Variants in NIBAN2 observed in about 807,000 individuals in gnomAD.
The protein encoded by NIBAN2 is niban apoptosis regulator 2.
NIBAN2 carries 36 observed loss-of-function variants against 81.8 expected under a neutral mutation model. That is an observed-to-expected ratio of 0.44 (90% confidence interval 0.34 to 0.58). NIBAN2 has a LOEUF of 0.58. Ranked by LOEUF, NIBAN2 falls within the 20% of genes least tolerant of loss-of-function variation. NIBAN2 has a pLI of 0.02. For missense variants in NIBAN2, 897 were observed against 1,014.1 expected (o/e 0.88, Z 1.57); for synonymous variants, 445 against 441.6 (o/e 1.01, Z -0.10).
At chr9:127,574,731 G>A (rs910703668) in intron 1 of NIBAN2, among the ~76,000 whole-genome samples, 2 of 152,262 alleles carry the variant, frequency 1.3e-5, no homozygotes, top group Admixed American at 6.5e-5. Context: ...TGTTTTTAAG[G>A]AATATCATGT....
chr9:127,527,138 G>C (rs1420485422), intron 3 of NIBAN2, 56 bp downstream of exon 3: 7 of 1,598,074 alleles, frequency 4.4e-6, no homozygotes, highest in Middle Eastern at 2.0e-4. Context: ...TTGGGGGAGG[G>C]GGCACACATG....
chr9:127,577,686 A>C (rs1838025615), intron 1 of NIBAN2, among the ~76,000 whole-genome samples: 1 of 151,168 alleles, frequency 6.6e-6, no homozygotes, highest in African/African-American at 2.5e-5. Context: ...TCTCAAACAC[A>C]AAATGGGCTT....
rs562775500 is a variant in NIBAN2, at chr9:127,577,293, G to C, written c.16+1629C>G. On this transcript the variant is annotated intron_variant, in intron 1 of 13. Transcript: ENST00000373314. ...ACTGTACTGCAGCCTGGGTGACAGA[G>C]CGAGACTGTGTCCACCCTCCCCCCA... 5.3e-5 allele frequency among the ~76,000 whole-genome samples: 8 copies of C among 152,200 alleles called. No individual in the cohort carries two copies. In the East Asian group the frequency reaches 1.6e-3, roughly 30 times the overall value.
At chr9:127,528,540 G>T (rs1837120074) in intron 2 of NIBAN2, among the ~76,000 whole-genome samples, 1 of 151,834 alleles carries the variant, frequency 6.6e-6, no homozygotes, top group Non-Finnish European at 1.5e-5. Context: ...CCTTCACCAT[G>T]TCCCCCTCTC....
intron 8 of NIBAN2, among the ~76,000 whole-genome samples, chr9:127,516,008 C>T (rs1836822912): frequency 6.6e-6 from 1 of 152,014 alleles, no homozygotes. Context: ...CGTGGTGGCA[C>T]ATGCCTGTAG....
At chr9:127,509,271 G>T in intron 9 of NIBAN2, 140 bp from the exon 10 acceptor site, 1 of 783,788 alleles carries the variant, frequency 1.3e-6, no homozygotes, top group Non-Finnish European at 2.0e-6. Flanking sequence ...GGTGCTCATG[G>T]CCACAAAGGT....
intron 5 of NIBAN2, among the ~76,000 whole-genome samples, chr9:127,520,700 G>A (rs1836921617): frequency 6.6e-6 from 1 of 152,110 alleles, no homozygotes; most frequent in South Asian, 2.1e-4. Context: ...AGAATCACGA[G>A]ATCAGGAGAT....
At position 127,517,882 on chromosome 9, in the gene NIBAN2, G is replaced by A. The variant is rs1221660805; in HGVS notation, c.649C>T (p.Arg217Ter). ...PAFTDAIRMY[R>*]QSKELYGTWE... ...GTGCCGTACAGCTCCTTGGACTGTC[G>A]GTACATGCGGATGGCATCTGTGAAC... The change falls in exon 6 of 14, where the codon CGA becomes TGA. Residue 217 changes from arginine to a stop codon, truncating the protein, a stop_gained. Coordinates refer to ENST00000373312, the MANE Select transcript of NIBAN2 (RefSeq NM_022833.4). LOFTEE classifies it high-confidence loss of function. This position sits in a 1 kb window ranked among gnomAD's most constrained non-coding sequence, Gnocchi z 4.0. 3 of 1,613,472 alleles carry A rather than the reference G, an allele frequency of 1.9e-6. No individual in the cohort carries two copies. The highest frequency in any genetic ancestry group is 2.5e-6 in the Non-Finnish European group (3 of 1,179,814).
intron 8 of NIBAN2, among the ~76,000 whole-genome samples, chr9:127,512,146 A>G (rs1366385529): frequency 1.3e-5 from 2 of 152,174 alleles, no homozygotes; most frequent in Admixed American, 1.3e-4. Context: ...CCTCCTTTGG[A>G]GAGGCTAATC....
intron 1 of NIBAN2, among the ~76,000 whole-genome samples, chr9:127,562,620 A>G (rs889213121): frequency 2.6e-5 from 4 of 152,234 alleles, no homozygotes; most frequent in African/African-American, 7.2e-5. Context: ...AACGATGCTC[A>G]GAGATGGCAG....
intron 1 of NIBAN2, among the ~76,000 whole-genome samples, chr9:127,547,004 C>G (rs1052432962): frequency 1.3e-4 from 19 of 151,172 alleles, no homozygotes; most frequent in African/African-American, 4.4e-4. Flanking sequence ...GTGTGCCAAG[C>G]AGAAGACCCG....
chr9:127,554,757 G>A (rs1837638735), intron 1 of NIBAN2, among the ~76,000 whole-genome samples: 1 of 151,164 alleles, frequency 6.6e-6, no homozygotes, highest in Non-Finnish European at 1.5e-5. Context: ...GACGGGGGGT[G>A]GGGGTTTCAC....
rs144490121 is a variant in NIBAN2 at position 127,514,295 on chromosome 9, A to T, written c.973+2562T>A. On this transcript the variant is annotated intron_variant, in intron 8 of 13. Coordinates refer to ENST00000373312, the MANE Select transcript of NIBAN2 (RefSeq NM_022833.4). ...CAAAAAAAAAAAAAAAAACTAAAAG[A>T]ATATACTTGGATTGTTTGTAACACA... 2.2e-3 allele frequency among the ~76,000 whole-genome samples: 330 copies of T among 151,290 alleles called. 3 individuals carry two copies. In the East Asian group the frequency reaches 0.042, roughly 19 times the overall value.
At chr9:127,524,912 CAAT>C (rs1441177165) in intron 4 of NIBAN2, 143 bp downstream of exon 4, 2 of 620,204 alleles carry the variant, frequency 3.2e-6, no homozygotes, top group Non-Finnish European at 5.7e-6. Flanking sequence ...GAAAGGCAAA[CAAT>C]GAGGTCTCCA....
chr9:127,561,324 A>G, intron 1 of NIBAN2: 1 of 984,726 alleles, frequency 1.0e-6, no homozygotes, highest in South Asian at 4.7e-5. Flanking sequence ...GGCAGGGAGC[A>G]GGGGATGCAC....
At chr9:127,554,259 T>C (rs1033750215) in intron 1 of NIBAN2, among the ~76,000 whole-genome samples, 23 of 152,306 alleles carry the variant, frequency 1.5e-4, no homozygotes, top group African/African-American at 5.5e-4. Context: ...CTCAAGGCTG[T>C]GCTCAGCTCC....
At position 127,545,983 on chromosome 9, in the gene NIBAN2, G is replaced by A. The variant is rs541452912; in HGVS notation, c.56-14205C>T. On this transcript the variant is annotated intron_variant, in intron 1 of 13. Coordinates refer to ENST00000373312, the MANE Select transcript of NIBAN2 (RefSeq NM_022833.4). This position sits in a 1 kb window ranked among gnomAD's most constrained non-coding sequence, Gnocchi z 4.7. ...CTGCCGTCTGGGAACACAGATCCTC[G>A]CTGGGAGGGCAGCCCAGGGGGTGCC... Among the ~76,000 whole-genome samples the A allele has an allele frequency of 3.9e-5, 6 of 152,186 alleles. No homozygotes were observed. The South Asian group carries it at 1.0e-3, about 26-fold the overall frequency.
chr9:127,512,183 G>C (rs535701233), intron 8 of NIBAN2, among the ~76,000 whole-genome samples: 9 of 152,158 alleles, frequency 5.9e-5, no homozygotes, highest in Middle Eastern at 6.8e-3. Context: ...GCAACTATTT[G>C]TCTCTTTTCT....
chr9:127,546,175 C>T (rs918359504), intron 1 of NIBAN2, among the ~76,000 whole-genome samples: 1 of 152,218 alleles, frequency 6.6e-6, no homozygotes, highest in African/African-American at 2.4e-5. Context: ...CATGGAGTCA[C>T]CCTTTCCTGT....
Sources: allele counts gnomAD v4.1 joint callset (sites outside exome capture counted in the v4.1 genomes callset), GRCh38; gene constraint gnomAD v4.1.1; non-coding constraint Gnocchi (gnomAD v3.1); transcripts MANE v1.5; gene names NCBI Gene and HGNC (gene_info 2026-07-23, HGNC 2026-07-21).